The following CFAP54 variants were observed in gnomAD, a reference collection of about 807,000 sequenced individuals.
The protein encoded by CFAP54 is cilia and flagella associated protein 54.
A neutral mutation model predicts 370.4 loss-of-function variants in CFAP54; 290 were observed. That is an observed-to-expected ratio of 0.78 (90% CI 0.71 to 0.86). The LOEUF (loss-of-function observed/expected upper bound fraction) is 0.86. Ranked by LOEUF, CFAP54 falls within the 40% of genes least tolerant of loss-of-function variation. The pLI is 0.00. For synonymous variants in CFAP54, 1,206 were observed against 1,236.5 expected, an observed-to-expected ratio of 0.98 and a Z score of 0.52; for missense variants, 3,399 against 3,528.7, an observed-to-expected ratio of 0.96 and a Z score of 0.93.
intron 4 of CFAP54, among the ~76,000 whole-genome samples, chr12:96,507,794 C>G (rs1407347031): frequency 6.6e-6 from 1 of 152,162 alleles, no homozygotes; most frequent in Non-Finnish European, 1.5e-5. Context: ...AGTATATTTT[C>G]TAGCCTTTTC....
chr12:96,629,305 T>G (rs1291988169), intron 30 of CFAP54, among the ~76,000 whole-genome samples: 1 of 152,034 alleles, frequency 6.6e-6, no homozygotes, highest in African/African-American at 2.4e-5. Context: ...ATAATACATT[T>G]TATTATTATT....
At chr12:96,802,326 T>C (rs1565983363) in intron 63 of CFAP54, among the ~76,000 whole-genome samples, 1 of 152,036 alleles carries the variant, frequency 6.6e-6, no homozygotes, top group Admixed American at 6.6e-5. Flanking sequence ...TGGCACCATT[T>C]TGAGAGTTTA....
intron 36 of CFAP54, among the ~76,000 whole-genome samples, chr12:96,652,906 G>C (rs1008136844): frequency 6.6e-6 from 1 of 152,184 alleles, no homozygotes; most frequent in African/African-American, 2.4e-5. Context: ...GGGACATTTC[G>C]TGTTAAGAAG....
At chr12:96,514,164 ACTTTATT>A (rs1955205111) in intron 5 of CFAP54, among the ~76,000 whole-genome samples, 2 of 152,156 alleles carry the variant, frequency 1.3e-5, no homozygotes, top group South Asian at 4.1e-4. Flanking sequence ...AAACATGACT[ACTTTATT>A]CTTTATTCCA....
At chr12:96,673,947 G>A (rs1468291847) in intron 39 of CFAP54, among the ~76,000 whole-genome samples, 1 of 152,208 alleles carries the variant, frequency 6.6e-6, no homozygotes, top group Non-Finnish European at 1.5e-5. Flanking sequence ...GGAGAAGTGA[G>A]AACACCTCAC....
chr12:96,758,008 T>C (rs923854795), intron 58 of CFAP54, among the ~76,000 whole-genome samples: 1 of 152,200 alleles, frequency 6.6e-6, no homozygotes, highest in African/African-American at 2.4e-5. Context: ...ATAAACAGAT[T>C]ACCTCTTGAT....
Position 96,728,897 on chromosome 12 carries a change from A to T in CFAP54, c.6965+8332A>T, listed in dbSNP as rs555306591. On this transcript the variant is annotated intron_variant, in intron 50 of 67. Transcript: ENST00000524981. ...TGTTTGTTAGTTTTCCTTCTAACAG[A>T]CAGGACCCTCAGCTGCAGGTCTGTT... 1.1e-3 allele frequency among the ~76,000 whole-genome samples: 168 copies of T among 152,308 alleles called. 1 individual carries two copies. Among genetic ancestry groups the T allele is most frequent in the Middle Eastern group, 0.01 (3 of 294 alleles).
chr12:96,576,554 T>C, intron 19 of CFAP54, 31 bp from the exon 20 acceptor site: 1 of 1,408,394 alleles, frequency 7.1e-7, no homozygotes, highest in Non-Finnish European at 9.5e-7. Flanking sequence ...GCTCTTGACA[T>C]ATATTTTTCT....
At chr12:96,493,348 A>G (rs2136340871) in intron 1 of CFAP54, among the ~76,000 whole-genome samples, 1 of 152,338 alleles carries the variant, frequency 6.6e-6, no homozygotes, top group African/African-American at 2.4e-5. Flanking sequence ...ACAAACAACA[A>G]ATGCTATGAA....
chr12:96,528,962 A>G (rs1955412140), intron 9 of CFAP54, among the ~76,000 whole-genome samples: 1 of 152,194 alleles, frequency 6.6e-6, no homozygotes, highest in Non-Finnish European at 1.5e-5. Flanking sequence ...AAGTTTTGAT[A>G]TATCATATCT....
intron 64 of CFAP54, among the ~76,000 whole-genome samples, chr12:96,813,325 T>G (rs557984524): frequency 1.3e-5 from 2 of 152,276 alleles, no homozygotes; most frequent in Admixed American, 1.3e-4. Context: ...AAATAAACTA[T>G]TTCTCTCATC....
At chr12:96,677,799 G>A (rs528559087) in intron 39 of CFAP54, among the ~76,000 whole-genome samples, 8 of 152,286 alleles carry the variant, frequency 5.3e-5, no homozygotes, top group Admixed American at 2.0e-4. Context: ...TGGTTTGACT[G>A]AAGCCTCCAG....
intron 63 of CFAP54, among the ~76,000 whole-genome samples, 176 bp from the exon 64 acceptor site, chr12:96,811,560 T>C (rs6538743): frequency 0.32 from 49,042 of 152,084 alleles, 8,208 homozygotes; most frequent in South Asian, 0.54. Context: ...CTACAACCTT[T>C]GTACAATTCT....
In CFAP54 at chr12:96,679,625, C is replaced by A; in HGVS notation, c.5589C>A (p.Val1863=). 1 of 1,613,144 alleles carries A rather than the reference C, an allele frequency of 6.2e-7. No homozygotes were observed. Among genetic ancestry groups the A allele is most frequent in the Non-Finnish European group, 8.5e-7 (1 of 1,179,576 alleles). Residue 1863 remains valine (V), a synonymous_variant, in exon 40 of 68, where the codon GTC becomes GTA. Transcript: ENST00000524981. ...AATACAGCCGAGCCAAAGCGCTTGTCTGCGTGCCCGTGGACGTGACAGACA... is the reference window on the plus strand; with the variant it reads ...AATACAGCCGAGCCAAAGCGCTTGTATGCGTGCCCGTGGACGTGACAGACA... ...SSEYSRAKAL[V]CVPVDVTDTL...
Position 96,808,019 on chromosome 12 carries a change from G to A in CFAP54, c.8851-3717G>A, listed in dbSNP as rs1356151927. 2.6e-5 allele frequency among the ~76,000 whole-genome samples: 4 copies of A among 152,150 alleles called. No homozygotes were observed. In the East Asian group the frequency reaches 5.8e-4, roughly 22 times the overall value. On this transcript the variant is annotated intron_variant, in intron 63 of 67. Transcript: ENST00000524981. ...CTATGTAAGTATCATTCATGGCTAA[G>A]CCAAATAGGTTACTGCTTCCTTTAT...
At chr12:96,663,649 A>G (rs1957021917) in intron 38 of CFAP54, among the ~76,000 whole-genome samples, 181 bp from the exon 39 acceptor site, 1 of 152,204 alleles carries the variant, frequency 6.6e-6, no homozygotes, top group African/African-American at 2.4e-5. Flanking sequence ...ATGAAAAATT[A>G]TGGAGCTGCT....
At chr12:96,826,180 C>G (rs1173206167) in intron 65 of CFAP54, among the ~76,000 whole-genome samples, 1 of 145,204 alleles carries the variant, frequency 6.9e-6, no homozygotes, top group Non-Finnish European at 1.5e-5. Flanking sequence ...ACTCAAAGCC[C>G]CAAAACTCCA....
chr12:96,607,410 C>G (rs1428063503), intron 26 of CFAP54, among the ~76,000 whole-genome samples: 2 of 151,698 alleles, frequency 1.3e-5, no homozygotes, highest in African/African-American at 4.8e-5. Context: ...CAAAAATAAC[C>G]CTTCTGTAAC....
chr12:96,638,241 G>A (rs12321150), intron 32 of CFAP54, among the ~76,000 whole-genome samples: 2,211 of 122,942 alleles, frequency 0.018, 55 homozygotes, highest in African/African-American at 0.056. Context: ...GTGTGTGTGT[G>A]TATATATATA....
Sources: allele counts gnomAD v4.1 joint callset (sites outside exome capture counted in the v4.1 genomes callset), GRCh38; gene constraint gnomAD v4.1.1; transcripts MANE v1.5; gene names NCBI Gene and HGNC (gene_info 2026-07-23, HGNC 2026-07-21).